The following RPA3 variants were observed in gnomAD, a reference collection of about 807,000 sequenced individuals.
RPA3 encodes the protein replication protein A 14 kDa subunit.
A neutral mutation model predicts 13.7 loss-of-function variants in RPA3; 24 were observed. That is an observed-to-expected ratio of 1.75 (90% CI 1.27 to 2.46). RPA3 has a LOEUF of 2.46. Ranked by LOEUF, RPA3 falls within the 30% of genes most tolerant of loss-of-function variation. The probability of loss-of-function intolerance (pLI) is 0.00; values close to 1 mark genes in which losing one functional copy is unlikely to be tolerated. For missense variants in RPA3, 183 were observed against 151.0 expected (o/e 1.21, Z -1.11); for synonymous variants, 59 against 51.2 (o/e 1.15, Z -0.65).
chr7:7,673,367 C>CAGCAGT lies in RPA3; in HGVS notation c.-758+12462_-758+12463insACTGCT, dbSNP rs770679624. On this transcript the variant is annotated intron_variant, in intron 4 of 7. Coordinates refer to ENST00000223129, the MANE Select transcript of RPA3 (RefSeq NM_002947.5). ...GCAGCAGCAGCAGCAGCAGCAGCAG[C>CAGCAGT]AGCAATGTTTCACTTCTTCAGAAAG... 13 of 1,105,542 alleles carry CAGCAGT rather than the reference C, an allele frequency of 1.2e-5. No homozygotes were observed. The South Asian group carries it at 1.6e-4, about 14-fold the overall frequency. 68.5% of individuals were successfully genotyped at this position (1,105,542 alleles called of 1,614,324 possible).
intron 1 of RPA3, among the ~76,000 whole-genome samples, chr7:7,716,342 TA>T (rs1167182828): frequency 6.6e-6 from 1 of 152,238 alleles, no homozygotes; most frequent in Non-Finnish European, 1.5e-5. Flanking sequence ...GAAAGAAATT[TA>T]GGCAGTTAGT....
intron 4 of RPA3, among the ~76,000 whole-genome samples, chr7:7,669,929 C>T (rs1342574013): frequency 6.6e-6 from 1 of 152,106 alleles, no homozygotes; most frequent in Non-Finnish European, 1.5e-5. Flanking sequence ...ATCCCTCCTT[C>T]TATAATATAT....
intron 2 of RPA3, among the ~76,000 whole-genome samples, chr7:7,697,994 C>G (rs1242297718): frequency 6.6e-6 from 1 of 152,090 alleles, no homozygotes; most frequent in African/African-American, 2.4e-5. Context: ...CAAGCTGACC[C>G]CACTACTCAT....
At chr7:7,676,239 T>C (rs1474814634) in intron 4 of RPA3, 12 of 398,410 alleles carry the variant, frequency 3.0e-5, no homozygotes, top group Non-Finnish European at 4.4e-5. Flanking sequence ...CCACTTAGCA[T>C]ATCTAGGAAA....
At chr7:7,717,959 T>G (rs1271498992) in intron 1 of RPA3, among the ~76,000 whole-genome samples, 1 of 152,254 alleles carries the variant, frequency 6.6e-6, no homozygotes, top group Admixed American at 6.5e-5. Context: ...CACAGAGTGC[T>G]GTAGATTCTG....
chr7:7,638,829 A>G, intron 6 of RPA3: 1 of 366,444 alleles, frequency 2.7e-6, no homozygotes, highest in Non-Finnish European at 4.8e-6. Context: ...AGGAATGAGA[A>G]TTGTTATCCA....
At chr7:7,638,463 C>T (rs1784899939) in intron 6 of RPA3, 2 of 152,846 alleles carry the variant, frequency 1.3e-5, no homozygotes, top group African/African-American at 4.8e-5. Flanking sequence ...TCTTGAGGGG[C>T]TGGTCGAGGC....
At chr7:7,654,962 C>G (rs113136829) in intron 4 of RPA3, among the ~76,000 whole-genome samples, 1,619 of 150,514 alleles carry the variant, frequency 0.011, 27 homozygotes, top group African/African-American at 0.036. Flanking sequence ...ATTTTTTTGA[C>G]TATTTTTGCT....
At chr7:7,640,203 A>G (rs905710448) in intron 5 of RPA3, 117 bp downstream of exon 5, 14 of 1,098,026 alleles carry the variant, frequency 1.3e-5, no homozygotes, top group Non-Finnish European at 1.9e-5. Flanking sequence ...GTGCAAAATA[A>G]AGGAGTCGGG....
intron 4 of RPA3, among the ~76,000 whole-genome samples, chr7:7,645,537 C>A (rs112739887): frequency 5.8e-4 from 89 of 152,310 alleles, no homozygotes; most frequent in African/African-American, 2.1e-3. Flanking sequence ...GAAGTGGACC[C>A]GCATTCAGCT....
chr7:7,717,060 C>CTTTTTTTTTTTTTTT (rs766644906), intron 1 of RPA3, among the ~76,000 whole-genome samples: 1 of 141,604 alleles, frequency 7.1e-6, no homozygotes, highest in African/African-American at 2.6e-5. Context: ...TTCTTTTTTT[C>CTTTTTTTTTTTTTTT]TTTTTTTTTT....
intron 4 of RPA3, among the ~76,000 whole-genome samples, chr7:7,670,624 T>A (rs1779582923): frequency 6.6e-6 from 1 of 152,194 alleles, no homozygotes; most frequent in South Asian, 2.1e-4. Flanking sequence ...AGCATCATGC[T>A]CAAAGTTCAG....
At chr7:7,671,749 G>T (rs1237613907) in intron 4 of RPA3, among the ~76,000 whole-genome samples, 1 of 151,624 alleles carries the variant, frequency 6.6e-6, no homozygotes, top group Non-Finnish European at 1.5e-5. Flanking sequence ...TTTTTCACCA[G>T]TTTCATTAGA....
chr7:7,715,742 G>A (rs1459411842), intron 1 of RPA3, among the ~76,000 whole-genome samples: 1 of 152,184 alleles, frequency 6.6e-6, no homozygotes, highest in Admixed American at 6.5e-5. Context: ...ATCAGAGTAT[G>A]TAAAGAGATG....
At chr7:7,708,500 A>C (rs555980363) in intron 2 of RPA3, among the ~76,000 whole-genome samples, 2 of 152,324 alleles carry the variant, frequency 1.3e-5, no homozygotes, top group South Asian at 4.1e-4. Flanking sequence ...GATCAGGTCT[A>C]ACACTCTGTT....
chr7:7,638,167 G>C (rs528019692), intron 6 of RPA3, 195 bp from the exon 7 acceptor site: 8 of 459,364 alleles, frequency 1.7e-5, no homozygotes, highest in Admixed American at 7.1e-5. Context: ...TAAAATTCCT[G>C]CTACCTTTAG....
intron 4 of RPA3, among the ~76,000 whole-genome samples, chr7:7,677,672 T>C (rs13247645): frequency 9.9e-6 from 1 of 101,104 alleles, no homozygotes; most frequent in East Asian, 2.1e-4. Flanking sequence ...TTGTTTTTTT[T>C]TTTTTTTTTT....
At position 7,637,061 on chromosome 7, in the gene RPA3, G is replaced by A. The variant is rs757934735; in HGVS notation, c.305C>T (p.Ala102Val). The A allele has an allele frequency of 6.2e-6, 10 of 1,611,574 alleles. No individual in the cohort carries two copies. The highest frequency in any genetic ancestry group is 8.5e-6 in the Non-Finnish European group (10 of 1,177,888). Residue 102 changes from alanine to valine, a missense_variant, in exon 8 of 8, where the codon GCT becomes GTT. By Grantham distance (64) the Ala-to-Val change is moderately conservative (BLOSUM62 0). Coordinates refer to ENST00000223129, the MANE Select transcript of RPA3 (RefSeq NM_002947.5). Reference protein sequence around the residue: ...HPFDLGLYNEAVKIIHDFPQF... With the variant: ...HPFDLGLYNEVVKIIHDFPQF... ...AGGGAAGTCATGGATAATTTTCACA[G>A]CTTCATTGTAAAGTCCAAGATCTGA...
In RPA3 at chr7:7,658,491, A is replaced by G. The variant is rs573976719; in HGVS notation, c.-757-17316T>C. On this transcript the variant is annotated intron_variant, in intron 4 of 7. Transcript: ENST00000223129. ...TTATTTTGAGATACATTCCATCAAT[A>G]CCTAGTTTTTTGAGAGTTTTTAGTA... Among the ~76,000 whole-genome samples, 223 of 152,220 alleles carry G rather than the reference A, an allele frequency of 1.5e-3. 1 individual carries two copies. Among genetic ancestry groups the G allele is most frequent in the Non-Finnish European group, 2.4e-3 (165 of 68,008 alleles).
Sources: gnomAD v4.1 joint callset for allele counts (sites outside exome capture counted in the v4.1 genomes callset) on GRCh38, gnomAD v4.1.1 for gene constraint, MANE v1.5 for transcripts, NCBI Gene and HGNC (gene_info 2026-07-23, HGNC 2026-07-21) for gene names.